The following NPIPB2 variants were observed in gnomAD, a reference collection of about 807,000 sequenced individuals.
The protein encoded by NPIPB2 is nuclear pore complex-interacting protein family member B2.
NPIPB2 carries 27 observed loss-of-function variants against 30.8 expected under a neutral mutation model. That is an observed-to-expected ratio of 0.88 (90% CI 0.65 to 1.21). NPIPB2 has a LOEUF of 1.21. Among genes scored for constraint, NPIPB2 ranks in the 50% most tolerant of loss-of-function variants. The pLI is 0.00. For missense variants in NPIPB2, 440 were observed against 446.2 expected (o/e 0.99, Z 0.13); for synonymous variants, 147 against 162.0 (o/e 0.91, Z 0.70).
intron 1 of NPIPB2, among the ~76,000 whole-genome samples, chr16:11,955,128 A>T (rs1166820595): frequency 2.0e-5 from 3 of 151,940 alleles, no homozygotes; most frequent in Admixed American, 2.0e-4. Context: ...TAATCCCAGC[A>T]TGGTGGATTG....
intron 2 of NPIPB2, among the ~76,000 whole-genome samples, chr16:11,935,573 C>G (rs2054854645): frequency 6.6e-6 from 1 of 152,140 alleles, no homozygotes. Flanking sequence ...TTCAGCCTCC[C>G]AAAGTGCTGG....
At chr16:11,965,394 T>C in intron 1 of NPIPB2, 1 of 1,614,232 alleles carries the variant, frequency 6.2e-7, no homozygotes. Context: ...TTGCATACCT[T>C]GTCAACTTCG....
chr16:11,933,534 C>T (rs774786918), exon 4 of NPIPB2: 1 of 1,596,996 alleles, frequency 6.3e-7, no homozygotes, highest in South Asian at 1.1e-5. Context: ...TGGCGGTCTT[C>T]CTCTTTCCAT....
intron 1 of NPIPB2, chr16:11,966,220 G>A (rs749544407): frequency 3.1e-6 from 5 of 1,613,648 alleles, no homozygotes; most frequent in East Asian, 2.2e-5. Context: ...TGAAAGGAAC[G>A]AATGCGATTC....
intron 1 of NPIPB2, chr16:11,967,651 A>G (rs2055205968): frequency 1.2e-6 from 2 of 1,614,182 alleles, no homozygotes; most frequent in East Asian, 4.5e-5. Context: ...AGAGGCCTCG[A>G]GTACACGGTG....
exon 8 of NPIPB2, chr16:11,927,414 T>C (rs1567461020): frequency 2.8e-6 from 3 of 1,077,872 alleles, no homozygotes; most frequent in Non-Finnish European, 2.8e-6. Flanking sequence ...TTACTCAACC[T>C]CCGCCTCTTG....
intron 1 of NPIPB2, among the ~76,000 whole-genome samples, chr16:11,960,881 T>C (rs1279004394): frequency 6.6e-6 from 1 of 151,774 alleles, no homozygotes; most frequent in East Asian, 1.9e-4. Flanking sequence ...TCTTTTTTTT[T>C]TTTGAGACAC....
At chr16:11,974,831 T>A (rs1404543812) in intron 1 of NPIPB2, among the ~76,000 whole-genome samples, 1 of 152,068 alleles carries the variant, frequency 6.6e-6, no homozygotes, top group Admixed American at 6.5e-5. Context: ...CCCAGCATTT[T>A]GGGAGGCCGA....
At chr16:11,949,545 T>C (rs1032703135) in intron 1 of NPIPB2, among the ~76,000 whole-genome samples, 4 of 152,236 alleles carry the variant, frequency 2.6e-5, no homozygotes, top group African/African-American at 9.6e-5. Context: ...CCCGGATAAC[T>C]AAATCAGCAG....
intron 1 of NPIPB2, among the ~76,000 whole-genome samples, chr16:11,955,506 G>A (rs1158436120): frequency 3.3e-5 from 5 of 151,520 alleles, no homozygotes; most frequent in East Asian, 1.9e-4. Flanking sequence ...TCAGAAGATC[G>A]AAACCACCCT....
At chr16:11,964,700 C>T (rs187859242) in intron 1 of NPIPB2, among the ~76,000 whole-genome samples, 1 of 152,186 alleles carries the variant, frequency 6.6e-6, no homozygotes, top group Non-Finnish European at 1.5e-5. Context: ...CAGGAGAGCG[C>T]CACGGCGCCC....
intron 1 of NPIPB2, chr16:11,967,929 G>A: frequency 6.8e-7 from 1 of 1,469,254 alleles, no homozygotes. Flanking sequence ...TAGGATGACT[G>A]TATTTTTCAG....
upstream of NPIPB2, among the ~76,000 whole-genome samples, chr16:11,944,730 T>G: frequency 2.5e-5 from 1 of 40,170 alleles, no homozygotes; most frequent in Non-Finnish European, 4.5e-5. Context: ...ACAGACTCCG[T>G]GTCAAAAAAA....
exon 2 of NPIPB2, chr16:11,937,644 G>A: frequency 6.3e-7 from 1 of 1,599,242 alleles, no homozygotes; most frequent in Non-Finnish European, 8.5e-7. Flanking sequence ...CCACGATGAT[G>A]ATGGTCAGCC....
chr16:11,931,815 T>C (rs1389370046), intron 4 of NPIPB2, among the ~76,000 whole-genome samples: 2 of 151,696 alleles, frequency 1.3e-5, no homozygotes, highest in Non-Finnish European at 2.9e-5. Flanking sequence ...ATCAAATTGC[T>C]AACATGGCAG....
intron 1 of NPIPB2, among the ~76,000 whole-genome samples, chr16:11,964,596 G>A (rs1251838034): frequency 2.0e-5 from 3 of 152,224 alleles, no homozygotes; most frequent in East Asian, 1.9e-4. Flanking sequence ...TGTATTTTTA[G>A]TAGAGACGGG....
At chr16:11,942,601 C>T (rs2150920026), upstream of NPIPB2, among the ~76,000 whole-genome samples, 2 of 152,342 alleles carry the variant, frequency 1.3e-5, no homozygotes, top group South Asian at 4.1e-4. Context: ...AGTTGACCTT[C>T]ATGAATGGCC....
At chr16:11,975,923 A>G (rs451354) in intron 1 of NPIPB2, among the ~76,000 whole-genome samples, 22,692 of 150,804 alleles carry the variant, frequency 0.15, 1,839 homozygotes, top group Middle Eastern at 0.26. Context: ...CCTAATTCAG[A>G]TCGTATCACT....
At chr16:11,965,826 C>A (rs1038535291) in intron 1 of NPIPB2, among the ~76,000 whole-genome samples, 2 of 152,040 alleles carry the variant, frequency 1.3e-5, no homozygotes, top group African/African-American at 4.8e-5. Flanking sequence ...AGTATGACAG[C>A]CGGGTGCGGT....
Sources: allele counts gnomAD v4.1 joint callset (sites outside exome capture counted in the v4.1 genomes callset), GRCh38; gene constraint gnomAD v4.1.1; transcripts MANE v1.5; gene names NCBI Gene and HGNC (gene_info 2026-07-23, HGNC 2026-07-21).